The following GNE variants were observed in gnomAD, a reference collection of about 807,000 sequenced individuals.
The protein encoded by GNE is glucosamine (UDP-N-acetyl)-2-epimerase/N-acetylmannosamine kinase.
GNE carries 41 observed loss-of-function variants against 61.8 expected under a neutral mutation model. The ratio of observed to expected loss-of-function variants is 0.66; its 90% confidence interval spans 0.52 to 0.86. The LOEUF is 0.86. GNE is among the 40% of genes least tolerant of loss of function. The probability of loss-of-function intolerance (pLI) is 0.00; values close to 1 mark genes in which losing one functional copy is unlikely to be tolerated. For synonymous variants in GNE, 264 were observed against 326.4 expected, an observed-to-expected ratio of 0.81 and a Z score of 2.06; for missense variants, 608 against 909.1, an observed-to-expected ratio of 0.67 and a Z score of 4.26.
At chr9:36,230,832 C>T (rs987630659) in intron 5 of GNE, among the ~76,000 whole-genome samples, 7 of 151,802 alleles carry the variant, frequency 4.6e-5, no homozygotes, top group African/African-American at 1.7e-4. Context: ...CAGCCTCAAG[C>T]AATCATCCCA....
In GNE at chr9:36,217,386, G is replaced by A. The variant is rs757267858; in HGVS notation, c.2148C>T (p.Tyr716=). The A allele has an allele frequency of 2.5e-6, 4 of 1,613,120 alleles. No individual in the cohort carries two copies. Among genetic ancestry groups the A allele is most frequent in the South Asian group, 1.1e-5 (1 of 91,050 alleles). ...AGGTCTAGTAGATCCTGCGTGTTGT[G>A]TAGTCCAGAACCATGCTGGCAGCAC... The part of the protein sequence containing the change: ...LLGAASMVLD[Y]TTRRIY Residue 716 remains tyrosine (Y), a synonymous_variant, in exon 12 of 12, where the codon TAC becomes TAT. Transcript: ENST00000642385.
Position 36,273,577 on chromosome 9 carries a change from A to G in GNE, c.51+3317T>C, listed in dbSNP as rs77433003. Among the ~76,000 whole-genome samples the G allele has an allele frequency of 1.3e-4, 20 of 151,662 alleles. No homozygotes were observed. In the East Asian group the frequency reaches 1.7e-3, roughly 13 times the overall value. On this transcript the variant is annotated intron_variant, in intron 1 of 11. Coordinates refer to the GNE transcript ENST00000396594. Reference sequence around the variant, plus strand: ...GTTTACTCTTAGCCCAAAGCACCCAATGACATTTCTTACCCTACCTGTTTC... The same window carrying G: ...GTTTACTCTTAGCCCAAAGCACCCAGTGACATTTCTTACCCTACCTGTTTC...
At chr9:36,250,809 T>G (rs1386798008) in intron 1 of GNE, among the ~76,000 whole-genome samples, 1 of 152,170 alleles carries the variant, frequency 6.6e-6, no homozygotes, top group Non-Finnish European at 1.5e-5. Flanking sequence ...GCCTCCCGAG[T>G]AGCTGGGATT....
chr9:36,260,508 C>G (rs1490000169), upstream of GNE, among the ~76,000 whole-genome samples: 2 of 152,026 alleles, frequency 1.3e-5, no homozygotes, highest in Admixed American at 6.6e-5. Context: ...ACAGACTCAC[C>G]AGACTATAAA....
chr9:36,238,052 AGATG>A (rs1829469336), intron 3 of GNE, among the ~76,000 whole-genome samples: 1 of 151,306 alleles, frequency 6.6e-6, no homozygotes, highest in Admixed American at 6.6e-5. Flanking sequence ...GTAGATATAT[AGATG>A]TAGATATATA....
chr9:36,220,108 T>C, intron 9 of GNE, 88 bp from the exon 10 acceptor site: 1 of 1,110,658 alleles, frequency 9.0e-7, no homozygotes. Context: ...TAGCAGAGCT[T>C]TGGCATGTGA....
intron 3 of GNE, among the ~76,000 whole-genome samples, chr9:36,244,655 G>A (rs1829785755): frequency 6.6e-6 from 1 of 151,930 alleles, no homozygotes; most frequent in South Asian, 2.1e-4. Flanking sequence ...AAATAAAAAT[G>A]AGCCAGGCGC....
At chr9:36,230,277 C>T (rs916491081) in intron 5 of GNE, among the ~76,000 whole-genome samples, 3 of 152,078 alleles carry the variant, frequency 2.0e-5, no homozygotes, top group Non-Finnish European at 4.4e-5. Context: ...CAGCAGTATC[C>T]ACCACCCCAT....
chr9:36,222,062 G>A (rs1367698411), intron 9 of GNE, among the ~76,000 whole-genome samples: 1 of 152,158 alleles, frequency 6.6e-6, no homozygotes, highest in African/African-American at 2.4e-5. Flanking sequence ...CAAAGGGCCT[G>A]CTTTCATCTT....
At chr9:36,248,773 G>T (rs1830003340) in intron 2 of GNE, among the ~76,000 whole-genome samples, 2 of 152,082 alleles carry the variant, frequency 1.3e-5, no homozygotes, top group Admixed American at 1.3e-4. Flanking sequence ...TTTATATGCT[G>T]TTGGCCTATA....
At chr9:36,261,979 G>C (rs1830632606), upstream of GNE, among the ~76,000 whole-genome samples, 1 of 150,776 alleles carries the variant, frequency 6.6e-6, no homozygotes, top group African/African-American at 2.4e-5. Context: ...TGCTTTTAAA[G>C]TTACATAGTG....
At chr9:36,249,822 T>C (rs1830048130) in intron 1 of GNE, among the ~76,000 whole-genome samples, 1 of 151,300 alleles carries the variant, frequency 6.6e-6, no homozygotes, top group African/African-American at 2.4e-5. Flanking sequence ...AGGCGGAGCT[T>C]GCAGTGAGCT....
At chr9:36,261,632 G>C (rs1218080254), upstream of GNE, among the ~76,000 whole-genome samples, 1 of 150,212 alleles carries the variant, frequency 6.7e-6, no homozygotes, top group African/African-American at 2.4e-5. Context: ...AAAGTCACTT[G>C]AAGTCAGGTC....
intron 4 of GNE, among the ~76,000 whole-genome samples, 160 bp from the exon 5 acceptor site, chr9:36,234,292 G>A (rs1416282909): frequency 6.6e-6 from 1 of 152,184 alleles, no homozygotes; most frequent in African/African-American, 2.4e-5. Context: ...ATGAATGATG[G>A]ATATCTAAAA....
intron 5 of GNE, among the ~76,000 whole-genome samples, chr9:36,232,038 A>G (rs144023925): frequency 6.6e-6 from 1 of 152,312 alleles, no homozygotes; most frequent in Non-Finnish European, 1.5e-5. Flanking sequence ...GAACTGGACT[A>G]GAACCAAGGA....
At chr9:36,271,918 G>A (rs1185945048) in intron 1 of GNE, among the ~76,000 whole-genome samples, 1 of 152,114 alleles carries the variant, frequency 6.6e-6, no homozygotes, top group African/African-American at 2.4e-5. Context: ...GAGAAACACA[G>A]TCAATAAACA....
At chr9:36,269,366 C>T (rs1830932739) in intron 1 of GNE, among the ~76,000 whole-genome samples, 1 of 151,704 alleles carries the variant, frequency 6.6e-6, no homozygotes. Flanking sequence ...CTTCCATTAT[C>T]ACTTCCATGT....
chr9:36,224,160 G>A (rs1828747062), intron 7 of GNE, among the ~76,000 whole-genome samples: 1 of 152,062 alleles, frequency 6.6e-6, no homozygotes, highest in South Asian at 2.1e-4. Context: ...TTACTGAGGT[G>A]ACCGGGCATA....
chr9:36,261,699 T>A (rs1205777923), upstream of GNE, among the ~76,000 whole-genome samples: 1 of 151,842 alleles, frequency 6.6e-6, no homozygotes, highest in Non-Finnish European at 1.5e-5. Context: ...GGCGGGTGGA[T>A]CACGAGGTCA....
Sources: allele counts gnomAD v4.1 joint callset (sites outside exome capture counted in the v4.1 genomes callset), GRCh38; gene constraint gnomAD v4.1.1; transcripts MANE v1.5; gene names NCBI Gene and HGNC (gene_info 2026-07-23, HGNC 2026-07-21).